RXFP2: variants seen among roughly 807,000 people sequenced by gnomAD.
RXFP2 encodes relaxin receptor 2.
A neutral mutation model predicts 88.6 loss-of-function variants in RXFP2; 68 were observed. The observed-to-expected ratio is 0.77, with a 90% CI of 0.63 to 0.94. The LOEUF is 0.94. Ranked by LOEUF, RXFP2 falls within the 40% of genes least tolerant of loss-of-function variation. The probability of loss-of-function intolerance (pLI) is 0.00; values close to 1 mark genes in which losing one functional copy is unlikely to be tolerated. For missense variants in RXFP2, 791 were observed against 893.9 expected, an observed-to-expected ratio of 0.88 and a Z score of 1.47; for synonymous variants, 329 against 306.8, an observed-to-expected ratio of 1.07 and a Z score of -0.76.
At chr13:31,796,560 G>A (rs1874058836) in intron 16 of RXFP2, among the ~76,000 whole-genome samples, 1 of 151,898 alleles carries the variant, frequency 6.6e-6, no homozygotes, top group Non-Finnish European at 1.5e-5. Context: ...TTCTTTTCAT[G>A]CTTTAAAAGA....
chr13:31,781,697 A>T lies in RXFP2; in HGVS notation c.812A>T (p.Tyr271Phe). 4 of 1,612,544 alleles carry T rather than the reference A, an allele frequency of 2.5e-6. No individual in the cohort carries two copies. The highest frequency in any genetic ancestry group is 3.4e-6 in the Non-Finnish European group (4 of 1,178,812). The change falls in exon 10 of 18, where the codon TAT (tyrosine) becomes TTT (phenylalanine). Residue 271 changes from tyrosine (Y) to phenylalanine (F), a missense_variant. Coordinates refer to ENST00000298386, the MANE Select transcript of RXFP2 (RefSeq NM_130806.5). ...GATTTGGAAGGCAATAGAATAAAGT[A>T]TCTCACAAATTCTACGTTTCTGTCG... is the stretch of plus-strand genomic sequence containing the variant. ...WVDLEGNRIK[Y>F]LTNSTFLSCD...
chr13:31,759,984 A>G (rs923350992), intron 2 of RXFP2, among the ~76,000 whole-genome samples: 8 of 152,178 alleles, frequency 5.3e-5, no homozygotes, highest in Non-Finnish European at 7.4e-5. Context: ...TCACCGGTCT[A>G]GGATGGCTGC....
intron 3 of RXFP2, among the ~76,000 whole-genome samples, chr13:31,762,433 C>T (rs1355208963): frequency 6.6e-6 from 1 of 152,224 alleles, no homozygotes; most frequent in Non-Finnish European, 1.5e-5. Context: ...CAGGATGCCT[C>T]TTCACAACCA....
chr13:31,796,038 CTTTTTTTTTTTTTTTT>C (rs776535132), intron 16 of RXFP2, among the ~76,000 whole-genome samples: 12 of 36,980 alleles, frequency 3.2e-4, no homozygotes, highest in Non-Finnish European at 5.3e-4. Flanking sequence ...ATGTGTTATT[CTTTTTTTTTTTTTTTT>C]TTTTTTTTTT....
At position 31,743,564 on chromosome 13, in the gene RXFP2, G is replaced by T. The variant is rs1271177551; in HGVS notation, c.94+3858G>T. 2.0e-5 allele frequency among the ~76,000 whole-genome samples: 3 copies of T among 151,936 alleles called. No individual in the cohort carries two copies. The East Asian group carries it at 5.8e-4, about 29-fold the overall frequency. Reference sequence around the variant, plus strand: ...CAACATGTTCAATGTGATTGATAAAGTTCTAGTCCTCCTTTCCCATCCTCC... The same window carrying T: ...CAACATGTTCAATGTGATTGATAAATTTCTAGTCCTCCTTTCCCATCCTCC... On this transcript the variant is annotated intron_variant, in intron 1 of 17. Coordinates refer to ENST00000298386, the MANE Select transcript of RXFP2 (RefSeq NM_130806.5).
chr13:31,775,305 A>G lies in RXFP2; in HGVS notation c.570-13A>G, dbSNP rs200689029. On this transcript the variant is annotated splice_polypyrimidine_tract_variant and intron_variant, in intron 6 of 17. Transcript: ENST00000298386. ...TTGAGTTTGCCTAATTAACTCACCC[A>G]TGCTATTTGTAGATATCTCAACCAC... The G allele has an allele frequency of 2.5e-6, 4 of 1,607,194 alleles. No homozygotes were observed. Among genetic ancestry groups the G allele is most frequent in the Non-Finnish European group, 3.4e-6 (4 of 1,173,858 alleles).
At chr13:31,750,022 A>G (rs1320104315) in intron 1 of RXFP2, among the ~76,000 whole-genome samples, 1 of 152,192 alleles carries the variant, frequency 6.6e-6, no homozygotes, top group East Asian at 1.9e-4. Flanking sequence ...GTTACCTTCT[A>G]TTTTTAGTTT....
Position 31,803,383 on chromosome 13 carries a change from T to G in RXFP2, c.*978T>G, listed in dbSNP as rs1252405624. The stretch of plus-strand genomic sequence containing the variant: ...GAGAACTGGGTAAATAAAATTATAT[T>G]TTGCACTTGTCCATATATTAATTTA... On this transcript the variant is annotated 3_prime_UTR_variant, in exon 18 of 18. Coordinates refer to ENST00000298386, the MANE Select transcript of RXFP2 (RefSeq NM_130806.5). 1.3e-5 allele frequency: 2 copies of G among 152,172 alleles called. No individual in the cohort carries two copies. Among genetic ancestry groups the G allele is most frequent in the African/African-American group, 2.4e-5 (1 of 41,420 alleles). 9.4% of individuals were successfully genotyped at this position (152,172 alleles called of 1,614,324 possible).
chr13:31,783,805 TTTG>T (rs1313288299), intron 11 of RXFP2, among the ~76,000 whole-genome samples: 5 of 151,368 alleles, frequency 3.3e-5, no homozygotes, highest in East Asian at 2.0e-4. Context: ...TTTTTGTTTG[TTTG>T]TTTGTTTTGT....
intron 17 of RXFP2, among the ~76,000 whole-genome samples, chr13:31,800,109 CAA>C (rs1333183446): frequency 5.3e-5 from 8 of 152,184 alleles, no homozygotes; most frequent in Non-Finnish European, 8.8e-5. Flanking sequence ...TCACAGTTGA[CAA>C]AGCTTCTTCT....
chr13:31,785,280 C>T (rs1174778155), intron 11 of RXFP2, among the ~76,000 whole-genome samples: 6 of 152,076 alleles, frequency 3.9e-5, no homozygotes, highest in Non-Finnish European at 5.9e-5. Context: ...TTTGTCTCCA[C>T]GCACTCTCCA....
chr13:31,782,642 A>C (rs1337766702), intron 10 of RXFP2, 34 bp from the exon 11 acceptor site: 2 of 1,532,912 alleles, frequency 1.3e-6, no homozygotes, highest in Non-Finnish European at 1.8e-6. Flanking sequence ...CAGCAGACGC[A>C]AACCCACATG....
chr13:31,747,646 T>C (rs1381016608), intron 1 of RXFP2, among the ~76,000 whole-genome samples: 1 of 152,220 alleles, frequency 6.6e-6, no homozygotes, highest in Non-Finnish European at 1.5e-5. Flanking sequence ...TGCTATATAC[T>C]AAGAACTGAA....
At chr13:31,787,841 G>T (rs945472096) in intron 13 of RXFP2, among the ~76,000 whole-genome samples, 1 of 152,110 alleles carries the variant, frequency 6.6e-6, no homozygotes, top group Non-Finnish European at 1.5e-5. Flanking sequence ...GGGTTTCATT[G>T]TGTTGCCCAG....
chr13:31,740,753 G>A (rs12877171), intron 1 of RXFP2, among the ~76,000 whole-genome samples: 75,369 of 151,680 alleles, frequency 0.5, 19,657 homozygotes, highest in Non-Finnish European at 0.59. Flanking sequence ...ATATCTCCAT[G>A]CACCTAGCAT....
intron 1 of RXFP2, 72 bp downstream of exon 1, chr13:31,739,778 A>C: frequency 1.0e-6 from 1 of 969,934 alleles, no homozygotes; most frequent in Non-Finnish European, 1.7e-6. Flanking sequence ...GTTCTATGGC[A>C]GTTGTAATAA....
chr13:31,790,259 A>G (rs1873731741), intron 14 of RXFP2, among the ~76,000 whole-genome samples: 1 of 152,196 alleles, frequency 6.6e-6, no homozygotes, highest in Admixed American at 6.5e-5. Context: ...GTGTGGTCAC[A>G]GCGCAAGGGG....
chr13:31,799,574 G>A (rs1036217706), intron 17 of RXFP2, among the ~76,000 whole-genome samples: 6 of 152,126 alleles, frequency 3.9e-5, no homozygotes, highest in African/African-American at 1.4e-4. Flanking sequence ...CTAGTGTGGT[G>A]GAAGAAGGAC....
chr13:31,785,021 T>G (rs1873462014), intron 11 of RXFP2, among the ~76,000 whole-genome samples: 1 of 152,180 alleles, frequency 6.6e-6, no homozygotes, highest in Admixed American at 6.5e-5. Flanking sequence ...CCCTATTTAA[T>G]GTTCTTACTT....
Sources: allele counts gnomAD v4.1 joint callset (sites outside exome capture counted in the v4.1 genomes callset), GRCh38; gene constraint gnomAD v4.1.1; transcripts MANE v1.5; gene names NCBI Gene and HGNC (gene_info 2026-07-23, HGNC 2026-07-21).